The following AHCTF1 variants were observed in gnomAD, a reference collection of about 807,000 sequenced individuals.
AHCTF1 encodes the protein AT-hook containing transcription factor 1, also known as protein ELYS.
In AHCTF1, 24 loss-of-function variants were observed where a neutral mutation model predicts 248.4. The ratio of observed to expected loss-of-function variants is 0.10; its 90% CI spans 0.07 to 0.14. The LOEUF (loss-of-function observed/expected upper bound fraction) is 0.14. AHCTF1 is among the 10% of genes least tolerant of loss of function. The probability of loss-of-function intolerance (pLI) is 1.00; values close to 1 mark genes in which losing one functional copy is unlikely to be tolerated. For missense variants in AHCTF1, 2,206 were observed against 2,636.2 expected, an observed-to-expected ratio of 0.84 and a Z score of 3.57; for synonymous variants, 786 against 929.8, an observed-to-expected ratio of 0.85 and a Z score of 2.81.
At chr1:246,869,546 G>T in intron 24 of AHCTF1, among the ~76,000 whole-genome samples, 1 of 152,146 alleles carries the variant, frequency 6.6e-6, no homozygotes, top group Non-Finnish European at 1.5e-5. Context: ...TGTAGCTGAT[G>T]ACTTTAAATT....
At chr1:246,913,664 G>C (rs564471818) in intron 3 of AHCTF1, among the ~76,000 whole-genome samples, 2 of 152,304 alleles carry the variant, frequency 1.3e-5, no homozygotes, top group African/African-American at 4.8e-5. Context: ...TGATACGCCA[G>C]GCATTGTGTT....
chr1:246,851,039 G>T lies in AHCTF1; in HGVS notation c.4967C>A (p.Thr1656Asn). 2 of 1,613,906 alleles carry T rather than the reference G, an allele frequency of 1.2e-6. No homozygotes were observed. The highest frequency in any genetic ancestry group is 2.2e-5 in the South Asian group (2 of 91,070). Residue 1656 changes from threonine to asparagine, a missense_variant, in exon 33 of 36, where the codon ACT (threonine) becomes AAT (asparagine). Physicochemically the swap from Thr to Asn is moderately conservative, Grantham distance 65. Coordinates refer to ENST00000648844, the MANE Select transcript of AHCTF1 (RefSeq NM_001323342.2). Reference sequence around the variant, plus strand: ...AATAGGTTCAGGCACATATGGTAAAGTGTCTACTTTTTGGGACTTTTGGTC... The same window carrying T: ...AATAGGTTCAGGCACATATGGTAAATTGTCTACTTTTTGGGACTTTTGGTC... ...TSDQKSQKVD[T>N]LPYVPEPIKV...
At chr1:246,863,472 TAGGAGATGGG>T (rs1422103242) in intron 27 of AHCTF1, among the ~76,000 whole-genome samples, 2 of 151,830 alleles carry the variant, frequency 1.3e-5, no homozygotes, top group African/African-American at 4.8e-5. Context: ...GCTAATAACT[TAGGAGATGGG>T]AAAAGGCAGT....
At chr1:246,880,955 T>TGGG (rs1663358871) in intron 21 of AHCTF1, among the ~76,000 whole-genome samples, 1 of 152,192 alleles carries the variant, frequency 6.6e-6, no homozygotes, top group African/African-American at 2.4e-5. Flanking sequence ...AAGGAATGCA[T>TGGG]GGGGGTTCTT....
chr1:246,876,799 T>C (rs1663001524), intron 23 of AHCTF1, 151 bp downstream of exon 23: 1 of 952,456 alleles, frequency 1.0e-6, no homozygotes, highest in Non-Finnish European at 1.5e-6. Context: ...CTGTTCCCAA[T>C]TCTGTTACAG....
chr1:246,893,314 C>T (rs562103173), intron 14 of AHCTF1, among the ~76,000 whole-genome samples: 2 of 152,278 alleles, frequency 1.3e-5, no homozygotes, highest in East Asian at 1.9e-4. Flanking sequence ...CACTAGAAAG[C>T]GCCATGTCTT....
chr1:246,925,881 G>A lies in AHCTF1; in HGVS notation c.-8+5697C>T, dbSNP rs1423054457. 3.3e-5 allele frequency among the ~76,000 whole-genome samples: 5 copies of A among 152,112 alleles called. No homozygotes were observed. In the South Asian group the frequency reaches 8.3e-4, roughly 25 times the overall value. On this transcript the variant is annotated intron_variant, in intron 1 of 35. Transcript: ENST00000648844. ...GCCCAGGAATTTGACACCAGCCTGG[G>A]CCACATGGCGAAATCTCATCTCTAC...
At chr1:246,928,641 A>C (rs1572484671) in intron 1 of AHCTF1, among the ~76,000 whole-genome samples, 1 of 152,248 alleles carries the variant, frequency 6.6e-6, no homozygotes, top group South Asian at 2.1e-4. Context: ...TAAAAACAGA[A>C]TACTATAAAT....
rs999120704 is a variant in AHCTF1 at position 246,858,836 on chromosome 1, G to A, written c.4133-1022C>T. Among the ~76,000 whole-genome samples the A allele has an allele frequency of 4.1e-4, 62 of 151,528 alleles. 1 individual carries two copies. The highest frequency in any genetic ancestry group is 2.4e-4 in the Non-Finnish European group (16 of 67,954). ...AAAATAAATACAAATTTCTATTTGA[G>A]ACTGCCTAATATTGTAAGAATAATC... On this transcript the variant is annotated intron_variant, in intron 29 of 35. Transcript: ENST00000648844.
chr1:246,865,816 T>C (rs1661934667), intron 26 of AHCTF1, among the ~76,000 whole-genome samples: 1 of 152,192 alleles, frequency 6.6e-6, no homozygotes, highest in Non-Finnish European at 1.5e-5. Context: ...GCATTAGGTC[T>C]CAGGTCTTCA....
intron 1 of AHCTF1, chr1:246,931,253 C>G: frequency 6.5e-7 from 1 of 1,549,406 alleles, no homozygotes; most frequent in Non-Finnish European, 8.7e-7. Context: ...GGGAAAGGGT[C>G]GCGGCCCCGG....
intron 27 of AHCTF1, 115 bp downstream of exon 27, chr1:246,863,809 C>T: frequency 9.7e-7 from 1 of 1,025,764 alleles, no homozygotes; most frequent in Non-Finnish European, 1.5e-6. Context: ...ATGCTTAAAG[C>T]ATTTCCCAGC....
chr1:246,851,040 T>G lies in AHCTF1; in HGVS notation c.4966A>C (p.Thr1656Pro). 1 of 1,613,974 alleles carries G rather than the reference T, an allele frequency of 6.2e-7. No homozygotes were observed. Among genetic ancestry groups the G allele is most frequent in the Non-Finnish European group, 8.5e-7 (1 of 1,179,866 alleles). The change falls in exon 33 of 36, where the codon ACT becomes CCT. Residue 1656 changes from threonine (T) to proline (P), a missense_variant. By Grantham distance (38) the Thr-to-Pro change is conservative. This residue lies in a region of AHCTF1 where 955 missense variants were observed against 1,055.6 expected (regional missense o/e 0.90). Transcript: ENST00000648844. ...ATAGGTTCAGGCACATATGGTAAAGTGTCTACTTTTTGGGACTTTTGGTCA... is the reference window on the plus strand; with the variant it reads ...ATAGGTTCAGGCACATATGGTAAAGGGTCTACTTTTTGGGACTTTTGGTCA... Reference protein sequence around the residue: ...TSDQKSQKVDTLPYVPEPIKV... With the variant: ...TSDQKSQKVDPLPYVPEPIKV...
chr1:246,924,395 T>C (rs1666787853), intron 1 of AHCTF1, among the ~76,000 whole-genome samples: 1 of 152,178 alleles, frequency 6.6e-6, no homozygotes, highest in Non-Finnish European at 1.5e-5. Context: ...CCGTTTATTT[T>C]TGTGTGATGC....
chr1:246,876,868 G>A (rs1004005730), intron 23 of AHCTF1, 82 bp downstream of exon 23: 10 of 1,513,786 alleles, frequency 6.6e-6, no homozygotes, highest in Non-Finnish European at 9.0e-6. Flanking sequence ...TTACCAAACT[G>A]TAAGCTCTTA....
Position 246,888,195 on chromosome 1 carries a change from T to C in AHCTF1, c.2307A>G (p.Glu769=). The part of the protein sequence containing the change: ...LDMYLLDGVT[E]AAKHSITIYL... ...AGGATACAATAGAGTGTTTGGCTGC[T>C]TCAGTAACGCCGTCTAATAGGTACA... Residue 769 remains glutamate (E), a synonymous_variant, in exon 19 of 36, where the codon GAA becomes GAG. Transcript: ENST00000648844. The C allele has an allele frequency of 2.5e-6, 4 of 1,614,102 alleles. No individual in the cohort carries two copies. Among genetic ancestry groups the C allele is most frequent in the Non-Finnish European group, 3.4e-6 (4 of 1,179,966 alleles).
At chr1:246,869,924 T>G (rs1052320011) in intron 24 of AHCTF1, among the ~76,000 whole-genome samples, 1 of 152,198 alleles carries the variant, frequency 6.6e-6, no homozygotes, top group Non-Finnish European at 1.5e-5. Flanking sequence ...TAGTGATTCC[T>G]CTGAGAGATC....
chr1:246,925,507 C>T (rs1666864212), intron 1 of AHCTF1, among the ~76,000 whole-genome samples: 1 of 152,186 alleles, frequency 6.6e-6, no homozygotes, highest in African/African-American at 2.4e-5. Context: ...GTACACCCAG[C>T]ACTCTGGGAA....
At chr1:246,891,331 C>T (rs574902460) in intron 15 of AHCTF1, among the ~76,000 whole-genome samples, 1 of 152,218 alleles carries the variant, frequency 6.6e-6, no homozygotes, top group East Asian at 1.9e-4. Context: ...ACTTTCACCT[C>T]AGCTACACTT....
Sources: gnomAD v4.1 joint callset for allele counts (sites outside exome capture counted in the v4.1 genomes callset) on GRCh38, gnomAD v4.1.1 for gene constraint, gnomAD v4.1.1 regional missense constraint, MANE v1.5 for transcripts, NCBI Gene and HGNC (gene_info 2026-07-23, HGNC 2026-07-21) for gene names.